The following CCDC57 variants were observed in gnomAD, a reference collection of about 807,000 sequenced individuals.
CCDC57 encodes the protein coiled-coil domain containing 57.
In CCDC57, 118 loss-of-function variants were observed where a neutral mutation model predicts 118.9. The observed-to-expected ratio is 0.99, with a 90% CI of 0.86 to 1.16. CCDC57 has a LOEUF of 1.16. Ranked by LOEUF, CCDC57 falls within the 50% of genes most tolerant of loss-of-function variation. The pLI is 0.00. For missense variants in CCDC57, 1,300 were observed against 1,320.7 expected, an observed-to-expected ratio of 0.98 and a Z score of 0.24; for synonymous variants, 527 against 532.9, an observed-to-expected ratio of 0.99 and a Z score of 0.15.
At chr17:82,182,128 GAAA>G (rs965269322) in intron 9 of CCDC57, among the ~76,000 whole-genome samples, 1 of 151,490 alleles carries the variant, frequency 6.6e-6, no homozygotes, top group East Asian at 1.9e-4. Flanking sequence ...AAAAAAAAAA[GAAA>G]AAAAGTTGAG....
chr17:82,184,015 A>AGGCGCG, intron 8 of CCDC57, 83 bp from the exon 8 acceptor site: 1 of 525,134 alleles, frequency 1.9e-6, no homozygotes, highest in Non-Finnish European at 3.0e-6. Context: ...GCAAATACAC[A>AGGCGCG]TGCGCGCGCG....
At chr17:82,198,202 G>C in intron 4 of CCDC57, 112 bp downstream of exon 3, 1 of 632,840 alleles carries the variant, frequency 1.6e-6, no homozygotes, top group Non-Finnish European at 2.7e-6. Context: ...CTCCCAAGGA[G>C]AATGCAGGCA....
exon 3 of CCDC57, chr17:82,201,836 G>T (rs1274544217): frequency 6.2e-7 from 1 of 1,613,646 alleles, no homozygotes; most frequent in Admixed American, 1.7e-5. Context: ...CGTGTGTCCT[G>T]CAGAGCCGCC....
At chr17:82,154,102 G>A (rs1011502057) in intron 15 of CCDC57, 2 of 152,362 alleles carry the variant, frequency 1.3e-5, no homozygotes, top group African/African-American at 4.8e-5. Context: ...CAGCCCTGGC[G>A]GCCAGTGACT....
At chr17:82,151,762 C>T (rs1419400292) in exon 16 of CCDC57, 3 of 1,549,866 alleles carry the variant, frequency 1.9e-6, no homozygotes, top group Non-Finnish European at 2.6e-6. Context: ...TAGGCCCTCT[C>T]TTGGTGAGGC....
intron 9 of CCDC57, among the ~76,000 whole-genome samples, chr17:82,180,632 C>A (rs888852064): frequency 6.6e-6 from 1 of 152,084 alleles, no homozygotes; most frequent in Non-Finnish European, 1.5e-5. Flanking sequence ...CATACCACCA[C>A]GCCTAGCTAA....
At chr17:82,142,352 G>A (rs960439273) in intron 16 of CCDC57, among the ~76,000 whole-genome samples, 13 of 150,570 alleles carry the variant, frequency 8.6e-5, no homozygotes, top group South Asian at 2.1e-4. Context: ...TTGCTTTGTC[G>A]CCCAGGCTGG....
intron 19 of CCDC57, among the ~76,000 whole-genome samples, chr17:82,102,356 G>A (rs998415885): frequency 2.0e-5 from 3 of 152,354 alleles, no homozygotes; most frequent in Admixed American, 1.3e-4. Context: ...AGGAAAGGCC[G>A]TGCTGGTGGG....
At chr17:82,114,809 TG>T (rs1318341184) in intron 19 of CCDC57, among the ~76,000 whole-genome samples, 3 of 152,258 alleles carry the variant, frequency 2.0e-5, no homozygotes, top group Non-Finnish European at 2.9e-5. Flanking sequence ...TGCCATGATT[TG>T]GCCCATACTT....
exon 14 of CCDC57, chr17:82,163,223 G>T: frequency 6.2e-7 from 1 of 1,613,984 alleles, no homozygotes; most frequent in Non-Finnish European, 8.5e-7. Flanking sequence ...CGTGTCACCA[G>T]CAGGTTTAGG....
chr17:82,195,377 G>A lies in CCDC57; in HGVS notation c.517-13C>T. 1 of 1,573,752 alleles carries A rather than the reference G, an allele frequency of 6.4e-7. No homozygotes were observed. On this transcript the variant is annotated splice_polypyrimidine_tract_variant and intron_variant, in intron 4 of 19. Coordinates refer to ENST00000665763, the Ensembl canonical transcript of CCDC57. ...CCAGCAGCAGTTCCTGGAACAAACA[G>A]GTTTCATGATGAAAGAACAGTGGGA... is the stretch of plus-strand genomic sequence containing the variant.
chr17:82,200,299 A>C (rs1013320909), intron 3 of CCDC57, among the ~76,000 whole-genome samples: 7 of 152,228 alleles, frequency 4.6e-5, no homozygotes, highest in African/African-American at 1.2e-4. Flanking sequence ...CAGACACCAC[A>C]AATCGATCAG....
Position 82,118,842 on chromosome 17 carries a change from G to A in CCDC57, c.2899+8850C>T, listed in dbSNP as rs1001575458. Among the ~76,000 whole-genome samples the A allele has an allele frequency of 4.0e-5, 6 of 151,772 alleles. No individual in the cohort carries two copies. The highest frequency in any genetic ancestry group is 8.8e-5 in the Non-Finnish European group (6 of 67,976). On this transcript the variant is annotated intron_variant, in intron 19 of 19. Coordinates refer to ENST00000665763, the Ensembl canonical transcript of CCDC57. This position sits in a 1 kb window ranked among gnomAD's most constrained non-coding sequence, Gnocchi z 4.7. ...TTAGAAATCTGTGATTTCTTCACCC[G>A]TATCTAAGGTTAACCCTCTTCCGGC...
chr17:82,168,635 G>A (rs2044291727), intron 13 of CCDC57, among the ~76,000 whole-genome samples: 1 of 151,822 alleles, frequency 6.6e-6, no homozygotes, highest in Non-Finnish European at 1.5e-5. Flanking sequence ...GAGAGAGGTA[G>A]GTAAAAAGAA....
intron 13 of CCDC57, 69 bp downstream of exon 12, chr17:82,171,632 G>A (rs563391315): frequency 1.8e-5 from 27 of 1,526,316 alleles, no homozygotes; most frequent in South Asian, 1.4e-4. Context: ...TGCTATGAGC[G>A]GACTTTTGCA....
In CCDC57 at chr17:82,134,017, C is replaced by T. The variant is rs1234318394; in HGVS notation, c.2577+56G>A. 3.6e-5 allele frequency: 47 copies of T among 1,307,264 alleles called. No homozygotes were observed. The Middle Eastern group carries it at 6.4e-4, about 18-fold the overall frequency. 81.0% of individuals were successfully genotyped at this position (1,307,264 alleles called of 1,614,324 possible). On this transcript the variant is annotated intron_variant, in intron 17 of 19. Transcript: ENST00000665763. The stretch of plus-strand genomic sequence containing the variant: ...TAATCTGAAGTTTCTGTAATGAAAA[C>T]GACACAATTAGGGAAATATTTTTAA...
At chr17:82,185,309 T>A (rs1403664068) in intron 8 of CCDC57, 1 of 151,122 alleles carries the variant, frequency 6.6e-6, no homozygotes, top group African/African-American at 2.4e-5. Flanking sequence ...TTCTTCTGCG[T>A]AATGGGATGG....
chr17:82,145,946 C>T, intron 16 of CCDC57: 1 of 330,850 alleles, frequency 3.0e-6, no homozygotes, highest in Non-Finnish European at 6.3e-6. Context: ...CCACAGCCAT[C>T]TATATGGGCA....
intron 7 of CCDC57, among the ~76,000 whole-genome samples, 155 bp downstream of exon 6, chr17:82,193,601 A>C (rs973236849): frequency 2.6e-5 from 4 of 151,994 alleles, no homozygotes; most frequent in Non-Finnish European, 5.9e-5. Flanking sequence ...GAAAGGAAGA[A>C]AAAGAAGGAG....
Sources: allele counts gnomAD v4.1 joint callset (sites outside exome capture counted in the v4.1 genomes callset), GRCh38; gene constraint gnomAD v4.1.1; non-coding constraint Gnocchi (gnomAD v3.1); transcripts MANE v1.5; gene names NCBI Gene and HGNC (gene_info 2026-07-23, HGNC 2026-07-21).